The following GRM6 variants were observed in gnomAD, a reference collection of about 807,000 sequenced individuals.
GRM6 encodes glutamate metabotropic receptor 6.
Under a neutral mutation model 78.4 loss-of-function variants are expected in GRM6, and 73 were observed. That is an observed-to-expected ratio of 0.93 (90% CI 0.77 to 1.13). The LOEUF is 1.13. GRM6 is among the 50% of genes most tolerant of loss of function. The pLI is 0.00. For missense variants in GRM6, 1,251 were observed against 1,256.4 expected (o/e 1.00, Z 0.07); for synonymous variants, 580 against 555.0 (o/e 1.05, Z -0.63).
chr5:178,986,844 T>C lies in GRM6; in HGVS notation c.1494A>G (p.Arg498=). The change falls in exon 8 of 11, where the codon AGA becomes AGG. Residue 498 remains arginine (R), a synonymous_variant. Coordinates refer to ENST00000517717, the MANE Select transcript of GRM6 (RefSeq NM_000843.4). ...QAVGQWAETL[R]LDVEALQWSG... is the part of the protein sequence containing the mutation. ...GCTCGGTCTGCACACTCACATCCAG[T>C]CTGAGGGTCTCTGCCCACTGGCCCA... 2 of 1,613,838 alleles carry C rather than the reference T, an allele frequency of 1.2e-6. No homozygotes were observed. Among genetic ancestry groups the C allele is most frequent in the African/African-American group, 1.3e-5 (1 of 75,048 alleles).
chr5:178,986,275 C>T lies in GRM6; in HGVS notation c.1979G>A (p.Gly660Asp). Residue 660 changes from glycine to aspartate, a missense_variant, in exon 9 of 11, where the codon GGC (glycine) becomes GAC (aspartate). Transcript: ENST00000517717. Reference sequence around the variant, plus strand: ...CAGGGCAGAGTAGCTGAGGGTCGTGCCCAGGCCCAGGAAGAGCCTGCGGGC... The same window carrying T: ...CAGGGCAGAGTAGCTGAGGGTCGTGTCCAGGCCCAGGAAGAGCCTGCGGGC... ...CAARRLFLGL[G>D]TTLSYSALLT... 1.9e-6 allele frequency: 3 copies of T among 1,614,062 alleles called. No individual in the cohort carries two copies. Among genetic ancestry groups the T allele is most frequent in the Non-Finnish European group, 2.5e-6 (3 of 1,179,984 alleles).
In GRM6 at chr5:178,985,621, T is replaced by C. The variant is rs541223206; in HGVS notation, c.2124+509A>G. Reference sequence around the variant, plus strand: ...GGGAGGCTGAGGCAGGAGAATGGCGTGAACCCGGAAGGCAGAGCTTGCAGG... The same window carrying C: ...GGGAGGCTGAGGCAGGAGAATGGCGCGAACCCGGAAGGCAGAGCTTGCAGG... On this transcript the variant is annotated intron_variant, in intron 9 of 10. Transcript: ENST00000517717. The C allele has an allele frequency of 2.3e-4, 84 of 360,344 alleles. 1 individual carries two copies. The highest frequency in any genetic ancestry group is 5.6e-4 in the East Asian group (7 of 12,598). 22.3% of individuals were successfully genotyped at this position (360,344 alleles called of 1,614,324 possible). A position where few individuals can be genotyped will look rare whatever the true frequency, so the allele number is the denominator to read the frequency against.
rs758499715 is a variant in GRM6, at chr5:178,981,753, A to C, written c.2538T>G (p.His846Gln). The C allele has an allele frequency of 8.7e-6, 14 of 1,613,616 alleles. No individual in the cohort carries two copies. The highest frequency in any genetic ancestry group is 1.1e-5 in the Non-Finnish European group (13 of 1,179,568). Residue 846 changes from histidine (H) to glutamine (Q), a missense_variant, in exon 11 of 11, where the codon CAT (histidine) becomes CAG (glutamine). His to Gln is a conservative substitution (Grantham distance 24, BLOSUM62 0). Coordinates refer to ENST00000517717, the MANE Select transcript of GRM6 (RefSeq NM_000843.4). The surrounding 1 kb of genome is among the most constrained non-coding windows in gnomAD (Gnocchi z 5.1). ...YVPKTYVILF[H>Q]PEQNVQKRKR... ...TTCGCTTCTGCACATTCTGCTCTGG[A>C]TGGAAGAGGATGACGTAGGTTTTGG...
intron 5 of GRM6, 135 bp downstream of exon 5, chr5:178,990,457 G>A (rs562592011): frequency 2.4e-5 from 19 of 789,698 alleles, no homozygotes; most frequent in African/African-American, 1.9e-4. Flanking sequence ...ACAGATGATC[G>A]GACTCATAGG....
chr5:178,986,205 C>CT lies in GRM6; in HGVS notation c.2048dup (p.Arg684AlafsTer43), dbSNP rs780142346. 2 of 1,614,138 alleles carry CT rather than the reference C, an allele frequency of 1.2e-6. No homozygotes were observed. The highest frequency in any genetic ancestry group is 2.2e-5 in the South Asian group (2 of 91,068). On this transcript the variant is annotated frameshift_variant, in exon 9 of 11. Coordinates refer to ENST00000517717, the MANE Select transcript of GRM6 (RefSeq NM_000843.4). LOFTEE classifies it high-confidence loss of function. ...TGAAGGGAGGGGGTGTGACCGAGCGCTTGCCCTGCTCAAAGATGCGGTAGA... is the reference window on the plus strand; with the variant it reads ...TGAAGGGAGGGGGTGTGACCGAGCGCTTTGCCCTGCTCAAAGATGCGGTAGA...
In GRM6 at chr5:178,981,422, C is replaced by CTTAA; in HGVS notation, c.*234_*235insTTAA. 4.0e-6 allele frequency: 2 copies of CTTAA among 506,288 alleles called. No individual in the cohort carries two copies. The highest frequency in any genetic ancestry group is 3.6e-6 in the Non-Finnish European group (1 of 281,246). The allele number at this position is 506,288 out of a possible 1,614,324, so 31.4% of individuals were successfully genotyped here. ...CTAGAACCTTCTCGGTGGCTGTTTC[C>CTTAA]CACCATGGGAAGCGAGTCTGGTCTG... On this transcript the variant is annotated 3_prime_UTR_variant, in exon 11 of 11. Transcript: ENST00000517717. This position sits in a 1 kb window ranked among gnomAD's most constrained non-coding sequence, Gnocchi z 5.1.
rs1245578344 is a variant in GRM6 at position 178,989,267 on chromosome 5, G to A, written c.1151C>T (p.Thr384Ile). Residue 384 changes from threonine (T) to isoleucine (I), a missense_variant and splice_region_variant, in exon 6 of 11, where the codon ACA becomes ATA. Transcript: ENST00000517717. ...TCACCACCCTGGGCAGCTCTCACCT[G>A]TGCATTTGCGGGTGGAATCGTCTGA... ...TQSDDSTRKCTGEERIGRDST... is the reference protein window; with the variant it reads ...TQSDDSTRKCIGEERIGRDST... 4 of 1,576,824 alleles carry A rather than the reference G, an allele frequency of 2.5e-6. No homozygotes were observed. In the South Asian group the frequency reaches 4.4e-5, roughly 18 times the overall value.
chr5:178,981,800 A>T lies in GRM6; in HGVS notation c.2491T>A (p.Ser831Thr), dbSNP rs1405536040. 8.1e-6 allele frequency: 13 copies of T among 1,612,448 alleles called. No individual in the cohort carries two copies. The highest frequency in any genetic ancestry group is 1.0e-5 in the Non-Finnish European group (12 of 1,178,550). ...TVSLSLSASV[S>T]LGMLYVPKTY... is the part of the protein sequence containing the mutation. ...TTGGGTACGTAGAGCATGCCGAGGG[A>T]CACCGAGGCACTCAGGCTCAAGGAC... The change falls in exon 11 of 11, where the codon TCC becomes ACC. Residue 831 changes from serine (S) to threonine (T), a missense_variant. Transcript: ENST00000517717. This position sits in a 1 kb window ranked among gnomAD's most constrained non-coding sequence, Gnocchi z 5.1.
chr5:178,986,714 G>A lies in GRM6; in HGVS notation c.1540C>T (p.Pro514Ser), dbSNP rs780854325. The A allele has an allele frequency of 2.5e-6, 4 of 1,604,874 alleles. No homozygotes were observed. The South Asian group carries it at 4.4e-5, about 18-fold the overall frequency. ...CAGGGCAGGCTGCACAGAGACGAGG[G>A]CACCTCGTGGGGGTCGCCAGACCAC... ...LQWSGDPHEV[P>S]SSLCSLPCGP... Residue 514 changes from proline (P) to serine (S), a missense_variant, in exon 9 of 11, where the codon CCC becomes TCC. Coordinates refer to ENST00000517717, the MANE Select transcript of GRM6 (RefSeq NM_000843.4).
chr5:178,994,635 AG>A lies in GRM6; in HGVS notation c.309del (p.Tyr104ThrfsTer7). ...AAGCTCAGCGCCTGCTCCAGCGCGT[AG>A]GTGTCCCGCGAGCAGGTGTCCAGCA... ...ARLLDTCSRD[T>X]YALEQALSFV... is the part of the protein sequence containing the mutation. On this transcript the variant is annotated frameshift_variant, in exon 2 of 11. Coordinates refer to ENST00000517717, the MANE Select transcript of GRM6 (RefSeq NM_000843.4). LOFTEE classifies it high-confidence loss of function. 1 of 1,458,538 alleles carries A rather than the reference AG, an allele frequency of 6.9e-7. No individual in the cohort carries two copies. Among genetic ancestry groups the A allele is most frequent in the Non-Finnish European group, 9.0e-7 (1 of 1,107,872 alleles). 90.3% of individuals were successfully genotyped at this position (1,458,538 alleles called of 1,614,324 possible). A position where few individuals can be genotyped will look rare whatever the true frequency, so the allele number is the denominator to read the frequency against.
rs1581897404 is a variant in GRM6 at position 178,990,460 on chromosome 5, CT to C, written c.1012+131del. Reference sequence around the variant, plus strand: ...AGGGACGCGTCCACAGATGATCGGACTCATAGGATCTGGGGATCTGAGAAGG... The same window carrying C: ...AGGGACGCGTCCACAGATGATCGGACCATAGGATCTGGGGATCTGAGAAGG... On this transcript the variant is annotated intron_variant, in intron 5 of 10. Coordinates refer to ENST00000517717, the MANE Select transcript of GRM6 (RefSeq NM_000843.4). 12 of 805,352 alleles carry C rather than the reference CT, an allele frequency of 1.5e-5. No individual in the cohort carries two copies. The East Asian group carries it at 3.1e-4, about 21-fold the overall frequency. The allele number at this position is 805,352 out of a possible 1,614,324, so 49.9% of individuals were successfully genotyped here.
chr5:178,982,613 A>G (rs2113313273), intron 10 of GRM6, among the ~76,000 whole-genome samples: 2 of 148,712 alleles, frequency 1.3e-5, no homozygotes, highest in South Asian at 2.2e-4. Flanking sequence ...AAGCATATGA[A>G]GAACTTGAAT....
intron 9 of GRM6, among the ~76,000 whole-genome samples, 158 bp downstream of exon 9, chr5:178,985,972 G>C (rs1225799697): frequency 6.6e-6 from 1 of 152,158 alleles, no homozygotes; most frequent in Non-Finnish European, 1.5e-5. Flanking sequence ...ATGTTGCCCA[G>C]GCTGGTCTCG....
chr5:178,981,420 TCCCAC>T lies in GRM6; in HGVS notation c.*232_*236del. The T allele has an allele frequency of 1.9e-6, 1 of 519,992 alleles. No homozygotes were observed. Among genetic ancestry groups the T allele is most frequent in the Non-Finnish European group, 3.5e-6 (1 of 289,536 alleles). 32.2% of individuals were successfully genotyped at this position (519,992 alleles called of 1,614,324 possible). ...AGCTAGAACCTTCTCGGTGGCTGTT[TCCCAC>T]CATGGGAAGCGAGTCTGGTCTGTGG... On this transcript the variant is annotated 3_prime_UTR_variant, in exon 11 of 11. Transcript: ENST00000517717. This position sits in a 1 kb window ranked among gnomAD's most constrained non-coding sequence, Gnocchi z 5.1.
intron 9 of GRM6, chr5:178,983,517 G>A (rs1173559445): frequency 4.9e-6 from 3 of 610,862 alleles, no homozygotes; most frequent in Non-Finnish European, 9.2e-6. Context: ...GGGCAGCTTG[G>A]TGTCCTCTTC....
rs1278225482 is a variant in GRM6, at chr5:178,986,157, G to A, written c.2097C>T (p.Val699=). 1.2e-6 allele frequency: 2 copies of A among 1,613,730 alleles called. No individual in the cohort carries two copies. The highest frequency in any genetic ancestry group is 8.5e-7 in the Non-Finnish European group (1 of 1,179,832). ...GCAGGGAGGTGAGGCTGAAGGTGAT[G>A]ACCAGCTGTGAGGTGGGGCTGATGA... The part of the protein sequence containing the change: ...PPFISPTSQL[V]ITFSLTSLQV... Residue 699 remains valine, a synonymous_variant, in exon 9 of 11, where the codon GTC becomes GTT. Transcript: ENST00000517717.
chr5:178,982,708 A>G (rs1271145047), intron 10 of GRM6: 6 of 544,694 alleles, frequency 1.1e-5, no homozygotes, highest in East Asian at 5.8e-5. Context: ...AAAAAAAGAA[A>G]AAAAGAAGAG....
rs774562622 is a variant in GRM6 at position 178,986,151 on chromosome 5, G to A, written c.2103C>T (p.Thr701=). ...FISPTSQLVI[T]FSLTSLQVVG... ...CCACCTGCAGGGAGGTGAGGCTGAAGGTGATGACCAGCTGTGAGGTGGGGC... is the reference window on the plus strand; with the variant it reads ...CCACCTGCAGGGAGGTGAGGCTGAAAGTGATGACCAGCTGTGAGGTGGGGC... Residue 701 remains threonine (T), a synonymous_variant, in exon 9 of 11, where the codon ACC becomes ACT. Transcript: ENST00000517717. The A allele has an allele frequency of 1.2e-6, 2 of 1,613,796 alleles. No individual in the cohort carries two copies. The highest frequency in any genetic ancestry group is 1.7e-5 in the Admixed American group (1 of 60,018).
chr5:178,982,857 A>G, intron 10 of GRM6, 53 bp downstream of exon 10: 1 of 1,291,566 alleles, frequency 7.7e-7, no homozygotes, highest in Non-Finnish European at 1.1e-6. Flanking sequence ...GAATGAATCG[A>G]CCAGCCTGAC....
Sources: allele counts gnomAD v4.1 joint callset (sites outside exome capture counted in the v4.1 genomes callset), GRCh38; gene constraint gnomAD v4.1.1; non-coding constraint Gnocchi (gnomAD v3.1); transcripts MANE v1.5; gene names NCBI Gene and HGNC (gene_info 2026-07-23, HGNC 2026-07-21).